The following TEX29 variants were observed in gnomAD, a reference collection of about 807,000 sequenced individuals.
The protein encoded by TEX29 is testis-expressed protein 29.
In TEX29, 26 loss-of-function variants were observed where a neutral mutation model predicts 18.2. The observed-to-expected ratio is 1.43, with a 90% CI of 1.04 to 1.98. TEX29 has a LOEUF of 1.98. TEX29 is among the 30% of genes most tolerant of loss of function. The pLI is 0.00. For missense variants in TEX29, 177 were observed against 194.2 expected, an observed-to-expected ratio of 0.91 and a Z score of 0.53; for synonymous variants, 83 against 78.5, an observed-to-expected ratio of 1.06 and a Z score of -0.31.
chr13:111,321,010 G>A (rs947385158), intron 2 of TEX29, 62 bp downstream of exon 2: 2 of 1,500,628 alleles, frequency 1.3e-6, no homozygotes, highest in Non-Finnish European at 1.8e-6. Context: ...GGGGGCACAG[G>A]GAGGAGCTGT....
chr13:111,316,346 C>T (rs1010816179), upstream of TEX29: 1 of 450,968 alleles, frequency 2.2e-6, no homozygotes, highest in African/African-American at 2.0e-5. Context: ...CTCCCGCCAC[C>T]CACACCACCC....
chr13:111,333,960 T>G (rs753438991), intron 3 of TEX29, among the ~76,000 whole-genome samples: 1 of 152,222 alleles, frequency 6.6e-6, no homozygotes, highest in East Asian at 1.9e-4. Context: ...ATCATATCAA[T>G]AAAATATTTT....
intron 2 of TEX29, among the ~76,000 whole-genome samples, chr13:111,321,442 G>T (rs4773353): frequency 0.17 from 25,964 of 152,228 alleles, 3,581 homozygotes; most frequent in East Asian, 0.75. Context: ...TGCCGTTAAT[G>T]TGCATAGATG....
At chr13:111,329,236 G>A (rs2093679012) in intron 3 of TEX29, among the ~76,000 whole-genome samples, 1 of 152,086 alleles carries the variant, frequency 6.6e-6, no homozygotes, top group Admixed American at 6.5e-5. Context: ...CCCTCGGGAG[G>A]GAACAGTGCA....
chr13:111,339,328 C>T, intron 3 of TEX29: 1 of 454,864 alleles, frequency 2.2e-6, no homozygotes, highest in Non-Finnish European at 4.4e-6. Context: ...ATTGAGGAGC[C>T]ATTTCCAGGG....
At position 111,344,187 on chromosome 13, in the gene TEX29, C is replaced by T. The variant is rs2093701171; in HGVS notation, c.*64C>T. 3 of 1,390,888 alleles carry T rather than the reference C, an allele frequency of 2.2e-6. No homozygotes were observed. Among genetic ancestry groups the T allele is most frequent in the South Asian group, 2.4e-5 (2 of 83,024 alleles). 86.2% of individuals were successfully genotyped at this position (1,390,888 alleles called of 1,614,324 possible). ...CAAATGAAATGGTACAGCAGGTGCACTGTTAACAGTGTGATGGAATGACCA... is the reference window on the plus strand; with the variant it reads ...CAAATGAAATGGTACAGCAGGTGCATTGTTAACAGTGTGATGGAATGACCA... On this transcript the variant is annotated 3_prime_UTR_variant, in exon 6 of 6. Coordinates refer to ENST00000283547, the MANE Select transcript of TEX29 (RefSeq NM_152324.3).
At chr13:111,337,127 G>A (rs141481791) in intron 3 of TEX29, among the ~76,000 whole-genome samples, 24 of 152,232 alleles carry the variant, frequency 1.6e-4, no homozygotes, top group African/African-American at 5.5e-4. Flanking sequence ...CAATTCGATC[G>A]ATTCTGTTTG....
intron 3 of TEX29, among the ~76,000 whole-genome samples, chr13:111,333,779 G>A (rs1469783831): frequency 2.0e-5 from 3 of 152,100 alleles, no homozygotes; most frequent in Non-Finnish European, 4.4e-5. Context: ...GCAAGGTTGT[G>A]GGAAGGGAAC....
intron 3 of TEX29, among the ~76,000 whole-genome samples, chr13:111,329,525 T>A (rs761150280): frequency 9.9e-5 from 15 of 151,404 alleles, no homozygotes; most frequent in Non-Finnish European, 1.9e-4. Context: ...TCGGGAAACG[T>A]TAGTGACTGA....
upstream of TEX29, chr13:111,320,543 C>T (rs898053645): frequency 2.0e-4 from 75 of 373,006 alleles, no homozygotes; most frequent in Non-Finnish European, 2.4e-4. Context: ...TGGACACGCA[C>T]ACGGCTCCGA....
chr13:111,342,616 A>T (rs1815041800), intron 4 of TEX29, 140 bp from the exon 5 acceptor site: 1 of 758,288 alleles, frequency 1.3e-6, no homozygotes, highest in African/African-American at 1.8e-5. Context: ...CTATTACATC[A>T]AAGCATTTAC....
chr13:111,343,541 C>T (rs1278559932), intron 5 of TEX29, among the ~76,000 whole-genome samples: 1 of 152,214 alleles, frequency 6.6e-6, no homozygotes, highest in Admixed American at 6.5e-5. Flanking sequence ...GAAAGTTTCT[C>T]ATATGTTGGT....
chr13:111,316,458 G>A (rs201518900), upstream of TEX29, among the ~76,000 whole-genome samples: 4 of 152,224 alleles, frequency 2.6e-5, no homozygotes, highest in Non-Finnish European at 2.9e-5. Flanking sequence ...GGGCTGTGCC[G>A]TTGCTGCAAG....
intron 4 of TEX29, among the ~76,000 whole-genome samples, chr13:111,341,906 G>A (rs1022237581): frequency 1.3e-5 from 2 of 152,240 alleles, no homozygotes; most frequent in South Asian, 2.1e-4. Flanking sequence ...GGGGTCCCGA[G>A]GCTGATGGAT....
At chr13:111,332,469 G>A (rs1008276798) in intron 3 of TEX29, among the ~76,000 whole-genome samples, 1 of 151,710 alleles carries the variant, frequency 6.6e-6, no homozygotes, top group Non-Finnish European at 1.5e-5. Context: ...CAAGATCATG[G>A]CATCTGAAAA....
chr13:111,322,093 G>A (rs1444566945), intron 2 of TEX29, among the ~76,000 whole-genome samples: 4 of 152,222 alleles, frequency 2.6e-5, no homozygotes, highest in Non-Finnish European at 4.4e-5. Flanking sequence ...CTCTCGCAGC[G>A]GGACAGGGCG....
chr13:111,331,163 T>A (rs1334706697), intron 3 of TEX29, among the ~76,000 whole-genome samples: 2 of 152,246 alleles, frequency 1.3e-5, no homozygotes, highest in African/African-American at 4.8e-5. Flanking sequence ...TCCAGTCCAA[T>A]CAGCAGCGTA....
chr13:111,320,485 A>C (rs1279485032), upstream of TEX29, among the ~76,000 whole-genome samples: 1 of 152,154 alleles, frequency 6.6e-6, no homozygotes, highest in Admixed American at 6.5e-5. Context: ...CCCTCCCTAC[A>C]TCTGTTCATC....
At chr13:111,342,635 ATAAG>A (rs1176345118) in intron 4 of TEX29, 117 bp from the exon 5 acceptor site, 6 of 860,654 alleles carry the variant, frequency 7.0e-6, no homozygotes, top group Non-Finnish European at 1.0e-5. Context: ...ACCTTAAAAA[ATAAG>A]TATGCATGAT....
Sources: allele counts gnomAD v4.1 joint callset (sites outside exome capture counted in the v4.1 genomes callset), GRCh38; gene constraint gnomAD v4.1.1; transcripts MANE v1.5; gene names NCBI Gene and HGNC (gene_info 2026-07-23, HGNC 2026-07-21).